The following LRRC4C variants were observed in gnomAD, a reference collection of about 807,000 sequenced individuals.
The protein encoded by LRRC4C is leucine-rich repeat-containing protein 4C.
LRRC4C carries 5 observed loss-of-function variants against 33.6 expected under a neutral mutation model. The ratio of observed to expected loss-of-function variants is 0.15; its 90% CI spans 0.08 to 0.31. LRRC4C has a LOEUF of 0.31. Among genes scored for constraint, LRRC4C ranks in the 10% least tolerant of loss-of-function variants. The probability of loss-of-function intolerance (pLI) is 1.00; values close to 1 mark genes in which losing one functional copy is unlikely to be tolerated. For synonymous variants in LRRC4C, 329 were observed against 302.0 expected, an observed-to-expected ratio of 1.09 and a Z score of -0.93; for missense variants, 560 against 796.7, an observed-to-expected ratio of 0.70 and a Z score of 3.58.
intron 3 of LRRC4C, among the ~76,000 whole-genome samples, chr11:40,458,086 C>A (rs141088478): frequency 6.6e-6 from 1 of 152,084 alleles, no homozygotes; most frequent in Non-Finnish European, 1.5e-5. Flanking sequence ...TTTCTTTACT[C>A]GTTTCTGAAA....
At chr11:40,634,335 C>A (rs1459090353) in intron 3 of LRRC4C, among the ~76,000 whole-genome samples, 1 of 152,010 alleles carries the variant, frequency 6.6e-6, no homozygotes, top group African/African-American at 2.4e-5. Flanking sequence ...TATATATATA[C>A]ACATATATGT....
chr11:40,781,392 A>G (rs1180712708), intron 2 of LRRC4C, among the ~76,000 whole-genome samples: 1 of 152,050 alleles, frequency 6.6e-6, no homozygotes, highest in Admixed American at 6.6e-5. Flanking sequence ...TTGACCATCA[A>G]TTTCTTATTA....
chr11:41,432,550 A>C (rs1056004115), intron 1 of LRRC4C, among the ~76,000 whole-genome samples: 1 of 152,142 alleles, frequency 6.6e-6, no homozygotes, highest in Non-Finnish European at 1.5e-5. Flanking sequence ...TTCTCAAAAA[A>C]CAAGTGGTTT....
intron 1 of LRRC4C, among the ~76,000 whole-genome samples, chr11:41,362,065 TTAATC>T (rs1488500951): frequency 6.6e-6 from 1 of 152,204 alleles, no homozygotes; most frequent in Non-Finnish European, 1.5e-5. Flanking sequence ...GAGATGCAGT[TTAATC>T]TAAAGTGAAG....
chr11:40,384,196 G>A (rs1315534314), intron 3 of LRRC4C, among the ~76,000 whole-genome samples: 1 of 151,906 alleles, frequency 6.6e-6, no homozygotes, highest in Non-Finnish European at 1.5e-5. Flanking sequence ...ATCGTCACAG[G>A]GGAATACCCT....
At chr11:41,100,085 C>G (rs1941073659) in intron 1 of LRRC4C, among the ~76,000 whole-genome samples, 1 of 151,980 alleles carries the variant, frequency 6.6e-6, no homozygotes, top group Admixed American at 6.6e-5. Context: ...GAAATGCAAC[C>G]CCATTCACAA....
At chr11:40,850,829 G>C (rs1953449232) in intron 2 of LRRC4C, among the ~76,000 whole-genome samples, 1 of 152,216 alleles carries the variant, frequency 6.6e-6, no homozygotes, top group Non-Finnish European at 1.5e-5. Flanking sequence ...TGTCCTGCCA[G>C]AGAGGAGGAA....
At position 40,449,022 on chromosome 11, in the gene LRRC4C, T is replaced by C. The variant is rs1316258763; in HGVS notation, c.-269-129301A>G. 2.0e-5 allele frequency among the ~76,000 whole-genome samples: 3 copies of C among 152,224 alleles called. No individual in the cohort carries two copies. In the East Asian group the frequency reaches 5.8e-4, roughly 29 times the overall value. Reference sequence around the variant, plus strand: ...TAGTGATGATGAGCTTTTTTTCATATGTTTGTTGGCTGCATAAATGTCTTC... The same window carrying C: ...TAGTGATGATGAGCTTTTTTTCATACGTTTGTTGGCTGCATAAATGTCTTC... On this transcript the variant is annotated intron_variant, in intron 3 of 6. Transcript: ENST00000528697.
In LRRC4C at chr11:40,397,806, A is replaced by C. The variant is rs552169339; in HGVS notation, c.-269-78085T>G. On this transcript the variant is annotated intron_variant, in intron 3 of 6. Coordinates refer to ENST00000528697, the MANE Select transcript of LRRC4C (RefSeq NM_001258419.2). ...GACAAGTCAGACAGAACTTTTCAGA[A>C]TTAAAATTAAAAATAAAATTTAAAT... is the stretch of plus-strand genomic sequence containing the variant. 3.3e-5 allele frequency among the ~76,000 whole-genome samples: 5 copies of C among 152,262 alleles called. No individual in the cohort carries two copies. The East Asian group carries it at 7.7e-4, about 24-fold the overall frequency.
intron 2 of LRRC4C, among the ~76,000 whole-genome samples, chr11:40,830,599 A>G (rs1447581397): frequency 2.6e-5 from 4 of 152,114 alleles, no homozygotes; most frequent in Non-Finnish European, 5.9e-5. Context: ...AAATTGGTGT[A>G]AAATAAAGGA....
chr11:41,059,301 G>T (rs1858892025), intron 1 of LRRC4C, among the ~76,000 whole-genome samples: 1 of 134,520 alleles, frequency 7.4e-6, no homozygotes, highest in Non-Finnish European at 1.6e-5. Flanking sequence ...AAAAAACTTA[G>T]ATACGTTCCT....
intron 2 of LRRC4C, among the ~76,000 whole-genome samples, chr11:40,683,218 G>A (rs1944787964): frequency 6.6e-6 from 1 of 152,098 alleles, no homozygotes. Context: ...TCTTGCTGGG[G>A]ACCACTGGAT....
At chr11:40,826,414 A>T (rs1952171879) in intron 2 of LRRC4C, among the ~76,000 whole-genome samples, 1 of 151,980 alleles carries the variant, frequency 6.6e-6, no homozygotes, top group Admixed American at 6.6e-5. Context: ...GCTACTTTTG[A>T]GGCAGGAAGA....
chr11:41,102,472 G>A (rs990047277), intron 1 of LRRC4C, among the ~76,000 whole-genome samples: 7 of 151,962 alleles, frequency 4.6e-5, no homozygotes, highest in South Asian at 4.1e-4. Flanking sequence ...CCATGAATTC[G>A]TATTGAAGTA....
chr11:40,831,617 C>A (rs528333597), intron 2 of LRRC4C, among the ~76,000 whole-genome samples: 1 of 151,730 alleles, frequency 6.6e-6, no homozygotes, highest in African/African-American at 2.4e-5. Flanking sequence ...AAGAAATACC[C>A]GAGACTGGGT....
intron 3 of LRRC4C, among the ~76,000 whole-genome samples, chr11:40,498,860 G>GA (rs1954603833): frequency 6.6e-6 from 1 of 152,096 alleles, no homozygotes; most frequent in African/African-American, 2.4e-5. Flanking sequence ...GAATTTACTG[G>GA]AAAAATAGGC....
At chr11:40,349,954 T>C (rs1040060749) in intron 3 of LRRC4C, among the ~76,000 whole-genome samples, 14 of 152,248 alleles carry the variant, frequency 9.2e-5, no homozygotes, top group South Asian at 2.1e-4. Context: ...TTTTTTCCTA[T>C]TGAGTTGTTT....
intron 2 of LRRC4C, among the ~76,000 whole-genome samples, chr11:40,895,651 A>C (rs1003478820): frequency 6.6e-6 from 1 of 152,188 alleles, no homozygotes. Flanking sequence ...TCTCTAAAAA[A>C]TATGTTTTTA....
intron 4 of LRRC4C, among the ~76,000 whole-genome samples, chr11:40,253,300 T>C (rs750318276): frequency 5.3e-5 from 8 of 152,238 alleles, no homozygotes; most frequent in Non-Finnish European, 8.8e-5. Flanking sequence ...TAGCACATGC[T>C]AAGACTATAA....
Sources: allele counts gnomAD v4.1 joint callset (sites outside exome capture counted in the v4.1 genomes callset), GRCh38; gene constraint gnomAD v4.1.1; transcripts MANE v1.5; gene names NCBI Gene and HGNC (gene_info 2026-07-23, HGNC 2026-07-21).